CSMD2: variants seen among roughly 807,000 people sequenced by gnomAD.
CSMD2 encodes the protein CUB and sushi domain-containing protein 2.
In CSMD2, 130 loss-of-function variants were observed where a neutral mutation model predicts 398.5. The ratio of observed to expected loss-of-function variants is 0.33; its 90% confidence interval spans 0.28 to 0.38. The LOEUF (loss-of-function observed/expected upper bound fraction) is 0.38. CSMD2 is among the 10% of genes least tolerant of loss of function. The pLI, the probability that CSMD2 is intolerant of heterozygous loss-of-function variation, is 1.00. For missense variants in CSMD2, 3,829 were observed against 4,764.9 expected, an observed-to-expected ratio of 0.80 and a Z score of 5.78; for synonymous variants, 1,828 against 1,908.5, an observed-to-expected ratio of 0.96 and a Z score of 1.10.
chr1:33,706,803 C>T lies in CSMD2; in HGVS notation c.3576+2286G>A, dbSNP rs562065348. ...GTGCATGTACGTGTGTGTGTGTGCG[C>T]GTGCATGTGTTTGTGCGTGCGTGTG... is the stretch of plus-strand genomic sequence containing the variant. On this transcript the variant is annotated intron_variant, in intron 22 of 70. Coordinates refer to ENST00000373381, the MANE Select transcript of CSMD2 (RefSeq NM_001281956.2). Among the ~76,000 whole-genome samples the T allele has an allele frequency of 7.3e-4, 110 of 150,510 alleles. 1 individual carries two copies. Among genetic ancestry groups the T allele is most frequent in the East Asian group, 5.5e-3 (28 of 5,126 alleles).
At chr1:34,150,225 G>C (rs1356209785) in intron 1 of CSMD2, among the ~76,000 whole-genome samples, 1 of 151,922 alleles carries the variant, frequency 6.6e-6, no homozygotes, top group East Asian at 1.9e-4. Flanking sequence ...GGGACTACAG[G>C]CGTGTGCCGC....
intron 49 of CSMD2, 136 bp from the exon 50 acceptor site, chr1:33,572,827 GA>G: frequency 3.7e-6 from 2 of 544,328 alleles, no homozygotes; most frequent in Non-Finnish European, 5.8e-6. Flanking sequence ...TAATAAAAAA[GA>G]AAATGGGAGG....
chr1:34,152,242 T>C (rs1640394817), intron 1 of CSMD2, among the ~76,000 whole-genome samples: 1 of 152,134 alleles, frequency 6.6e-6, no homozygotes, highest in South Asian at 2.1e-4. Context: ...TGGAATGGGT[T>C]TCATGTACTT....
chr1:33,685,786 T>C (rs978518623), intron 25 of CSMD2, among the ~76,000 whole-genome samples: 2 of 152,216 alleles, frequency 1.3e-5, no homozygotes, highest in Non-Finnish European at 2.9e-5. Flanking sequence ...CTTGCACTTA[T>C]AGCATCTATT....
chr1:33,709,552 C>T, intron 21 of CSMD2: 1 of 478,830 alleles, frequency 2.1e-6, no homozygotes, highest in Non-Finnish European at 3.6e-6. Flanking sequence ...TACAATTTCT[C>T]AGTGCTATAA....
intron 5 of CSMD2, among the ~76,000 whole-genome samples, chr1:33,857,978 T>C (rs1020975317): frequency 6.6e-6 from 1 of 152,186 alleles, no homozygotes; most frequent in Non-Finnish European, 1.5e-5. Flanking sequence ...TTGTTCTAGA[T>C]CTGTCCTGTA....
At chr1:33,730,951 A>G (rs1437438491) in intron 15 of CSMD2, among the ~76,000 whole-genome samples, 1 of 152,224 alleles carries the variant, frequency 6.6e-6, no homozygotes, top group African/African-American at 2.4e-5. Flanking sequence ...AATTTTAAAT[A>G]TCAGTTTCCA....
At chr1:33,711,130 C>T (rs961816875) in intron 21 of CSMD2, among the ~76,000 whole-genome samples, 4 of 152,030 alleles carry the variant, frequency 2.6e-5, no homozygotes, top group African/African-American at 7.2e-5. Flanking sequence ...TTTACATAGA[C>T]GTTTCCAGCA....
At chr1:34,055,679 T>C (rs1171880331) in intron 2 of CSMD2, among the ~76,000 whole-genome samples, 1 of 152,220 alleles carries the variant, frequency 6.6e-6, no homozygotes, top group Non-Finnish European at 1.5e-5. Context: ...CACATCCTCT[T>C]TGAGCATATC....
intron 3 of CSMD2, among the ~76,000 whole-genome samples, chr1:33,994,153 G>A (rs530956806): frequency 6.6e-6 from 1 of 152,264 alleles, no homozygotes; most frequent in African/African-American, 2.4e-5. Context: ...GATAATTGAG[G>A]CAGAGCCAGT....
At chr1:33,544,831 T>TTTTATATATATATATATATATATA (rs1344119444) in intron 57 of CSMD2, among the ~76,000 whole-genome samples, 1 of 141,984 alleles carries the variant, frequency 7.0e-6, no homozygotes, top group Non-Finnish European at 1.5e-5. Flanking sequence ...CACTGTGCAT[T>TTTTATATATATATATATATATATA]TATATATATA....
intron 28 of CSMD2, among the ~76,000 whole-genome samples, chr1:33,650,165 A>T (rs1051757171): frequency 1.3e-5 from 2 of 152,162 alleles, no homozygotes; most frequent in Non-Finnish European, 2.9e-5. Flanking sequence ...TCAAATTTTG[A>T]GCACCCTCGA....
rs1371188060 is a variant in CSMD2 at position 33,602,494 on chromosome 1, C to A, written c.6585G>T (p.Gly2195=). The change falls in exon 43 of 71, where the codon GGG becomes GGT. Residue 2195 remains glycine, a synonymous_variant. Coordinates refer to ENST00000373381, the MANE Select transcript of CSMD2 (RefSeq NM_001281956.2). The part of the protein sequence containing the change: ...TSSNGTVYSP[G]FPSPYSSSQD... Reference sequence around the variant, plus strand: ...GGGAGCTGGAGTACGGGCTAGGGAACCCCGGGGAGTACACAGTGCCGTTGG... The same window carrying A: ...GGGAGCTGGAGTACGGGCTAGGGAAACCCGGGGAGTACACAGTGCCGTTGG... 2 of 1,613,234 alleles carry A rather than the reference C, an allele frequency of 1.2e-6. No individual in the cohort carries two copies. Among genetic ancestry groups the A allele is most frequent in the Non-Finnish European group, 8.5e-7 (1 of 1,179,778 alleles).
At chr1:34,037,007 G>A (rs1269583873) in intron 2 of CSMD2, among the ~76,000 whole-genome samples, 1 of 152,038 alleles carries the variant, frequency 6.6e-6, no homozygotes, top group Non-Finnish European at 1.5e-5. Flanking sequence ...TGGTACATAT[G>A]CCCTGGGTCT....
chr1:33,857,628 A>G (rs1639192391), intron 5 of CSMD2, among the ~76,000 whole-genome samples: 1 of 152,082 alleles, frequency 6.6e-6, no homozygotes, highest in African/African-American at 2.4e-5. Flanking sequence ...CTTCACCACT[A>G]GAGAGATGAC....
At chr1:33,896,400 C>T (rs1233688893) in intron 5 of CSMD2, among the ~76,000 whole-genome samples, 1 of 152,180 alleles carries the variant, frequency 6.6e-6, no homozygotes, top group Non-Finnish European at 1.5e-5. Context: ...AGGACATCAC[C>T]TGGTGAGGTC....
intron 55 of CSMD2, among the ~76,000 whole-genome samples, chr1:33,554,235 G>A (rs1657748754): frequency 7.4e-6 from 1 of 135,798 alleles, no homozygotes; most frequent in Non-Finnish European, 1.5e-5. Flanking sequence ...TCTGTCACCA[G>A]GCTGGAGTAC....
At chr1:33,956,799 T>C (rs1032978656) in intron 3 of CSMD2, among the ~76,000 whole-genome samples, 2 of 152,236 alleles carry the variant, frequency 1.3e-5, no homozygotes, top group Non-Finnish European at 2.9e-5. Context: ...CAGCCACTCT[T>C]CACACAGCAG....
intron 3 of CSMD2, among the ~76,000 whole-genome samples, chr1:33,976,780 CTA>C (rs1228173800): frequency 2.0e-5 from 3 of 152,128 alleles, no homozygotes; most frequent in Non-Finnish European, 4.4e-5. Flanking sequence ...AGGTAGGACA[CTA>C]ATACATTCCT....
Sources: allele counts gnomAD v4.1 joint callset (sites outside exome capture counted in the v4.1 genomes callset), GRCh38; gene constraint gnomAD v4.1.1; transcripts MANE v1.5; gene names NCBI Gene and HGNC (gene_info 2026-07-23, HGNC 2026-07-21).